Variants in PTPRR observed in about 807,000 individuals in gnomAD.
PTPRR encodes protein tyrosine phosphatase receptor type R.
A neutral mutation model predicts 77.2 loss-of-function variants in PTPRR; 38 were observed. The ratio of observed to expected loss-of-function variants is 0.49; its 90% CI spans 0.38 to 0.65. The LOEUF (loss-of-function observed/expected upper bound fraction) is 0.65, where lower values mean the gene tolerates loss of function less well. PTPRR is among the 30% of genes least tolerant of loss of function. The pLI, the probability that PTPRR is intolerant of heterozygous loss-of-function variation, is 0.00. For missense variants in PTPRR, 744 were observed against 799.2 expected, an observed-to-expected ratio of 0.93 and a Z score of 0.83; for synonymous variants, 299 against 283.1, an observed-to-expected ratio of 1.06 and a Z score of -0.57.
chr12:70,710,382 T>G (rs7314332), intron 6 of PTPRR, among the ~76,000 whole-genome samples: 241 of 152,142 alleles, frequency 1.6e-3, no homozygotes, highest in Non-Finnish European at 2.8e-3. Context: ...CTTCCTTATA[T>G]CATATACAAA....
intron 2 of PTPRR, among the ~76,000 whole-genome samples, chr12:70,883,167 A>G (rs973031967): frequency 7.2e-5 from 11 of 152,174 alleles, no homozygotes; most frequent in African/African-American, 2.4e-4. Context: ...AGGCTGAGGC[A>G]GGAGAATCGC....
chr12:70,679,687 T>TTA lies in PTPRR; in HGVS notation c.1497+4439_1497+4440insTA, dbSNP rs1592665482. The stretch of plus-strand genomic sequence containing the variant: ...TTTTTGATTTGAAGTCTATTTTATC[T>TTA]GGTATAAGTGAAGCTACTCCTGGTC... On this transcript the variant is annotated intron_variant, in intron 10 of 13. Coordinates refer to ENST00000283228, the MANE Select transcript of PTPRR (RefSeq NM_002849.4). Among the ~76,000 whole-genome samples, 21 of 152,310 alleles carry TTA rather than the reference T, an allele frequency of 1.4e-4. No individual in the cohort carries two copies. In the East Asian group the frequency reaches 4.0e-3, roughly 29 times the overall value.
intron 2 of PTPRR, among the ~76,000 whole-genome samples, chr12:70,776,010 T>C (rs1891079869): frequency 6.6e-6 from 1 of 152,214 alleles, no homozygotes; most frequent in African/African-American, 2.4e-5. Flanking sequence ...TTTATTTCTA[T>C]ATTACACATT....
intron 6 of PTPRR, among the ~76,000 whole-genome samples, chr12:70,732,873 A>AT (rs61300921): frequency 0.15 from 22,349 of 151,996 alleles, 1,920 homozygotes; most frequent in East Asian, 0.38. Context: ...ATCTATTTTT[A>AT]TTTTTTTAAA....
At chr12:70,793,075 T>C (rs1891449696) in intron 2 of PTPRR, among the ~76,000 whole-genome samples, 1 of 152,204 alleles carries the variant, frequency 6.6e-6, no homozygotes, top group Non-Finnish European at 1.5e-5. Context: ...ATGTTGAATG[T>C]GAAGCCTGCA....
intron 1 of PTPRR, among the ~76,000 whole-genome samples, chr12:70,903,988 C>T (rs567552728): frequency 6.6e-6 from 1 of 151,882 alleles, no homozygotes; most frequent in African/African-American, 2.4e-5. Context: ...ATGTCCATTT[C>T]TATTAGCCAA....
intron 3 of PTPRR, 79 bp downstream of exon 3, chr12:70,764,586 T>C: frequency 8.3e-7 from 1 of 1,198,140 alleles, no homozygotes; most frequent in Admixed American, 1.8e-5. Context: ...GCCATACAAC[T>C]ATAGCATGAG....
intron 2 of PTPRR, among the ~76,000 whole-genome samples, chr12:70,771,330 AGT>A (rs1237710525): frequency 6.6e-6 from 1 of 152,078 alleles, no homozygotes; most frequent in Non-Finnish European, 1.5e-5. Flanking sequence ...CTCACTTATA[AGT>A]GGGAGCTGAA....
At chr12:70,842,407 G>A (rs935056407) in intron 2 of PTPRR, among the ~76,000 whole-genome samples, 1 of 152,294 alleles carries the variant, frequency 6.6e-6, no homozygotes, top group East Asian at 1.9e-4. Context: ...TGTGGCTGCT[G>A]TAAGAAGTTA....
chr12:70,866,420 T>A (rs1386078042), intron 2 of PTPRR, among the ~76,000 whole-genome samples: 4 of 151,934 alleles, frequency 2.6e-5, no homozygotes, highest in African/African-American at 9.7e-5. Context: ...GCAAATAAAC[T>A]AGAAAATCTA....
intron 1 of PTPRR, among the ~76,000 whole-genome samples, chr12:70,908,359 G>T (rs1893653056): frequency 6.6e-6 from 1 of 152,058 alleles, no homozygotes; most frequent in South Asian, 2.1e-4. Flanking sequence ...AACTTATAAA[G>T]AAAAAGAGGT....
chr12:70,749,431 T>G (rs1890317451), intron 5 of PTPRR, among the ~76,000 whole-genome samples: 1 of 152,168 alleles, frequency 6.6e-6, no homozygotes, highest in Non-Finnish European at 1.5e-5. Flanking sequence ...TTAGTACCAA[T>G]AAGTGTGCAA....
At position 70,832,899 on chromosome 12, in the gene PTPRR, G is replaced by A. The variant is rs568347258; in HGVS notation, c.357+59780C>T. On this transcript the variant is annotated intron_variant, in intron 2 of 13. Transcript: ENST00000283228. The stretch of plus-strand genomic sequence containing the variant: ...GGCATGCTACTTGGTGAGAGTGGGA[G>A]CAAGAGAGAGTGGAGGAGATGCCAG... 5.0e-4 allele frequency among the ~76,000 whole-genome samples: 76 copies of A among 152,304 alleles called. 3 individuals carry two copies. The South Asian group carries it at 0.014, about 27-fold the overall frequency.
chr12:70,882,951 A>C (rs930137014), intron 2 of PTPRR, among the ~76,000 whole-genome samples: 2 of 152,202 alleles, frequency 1.3e-5, no homozygotes, highest in African/African-American at 4.8e-5. Flanking sequence ...CACCTCTATG[A>C]AGTTGGTAAT....
intron 6 of PTPRR, among the ~76,000 whole-genome samples, chr12:70,722,510 G>A (rs1889294209): frequency 6.6e-6 from 1 of 152,148 alleles, no homozygotes; most frequent in Non-Finnish European, 1.5e-5. Context: ...TAAACCATGA[G>A]TTTGAAAGAG....
At chr12:70,902,781 C>T (rs1427179265) in intron 1 of PTPRR, among the ~76,000 whole-genome samples, 1 of 151,576 alleles carries the variant, frequency 6.6e-6, no homozygotes, top group Non-Finnish European at 1.5e-5. Flanking sequence ...AAATAGGGTG[C>T]AGTACATACT....
At chr12:70,659,676 AG>A (rs1415069266) in intron 12 of PTPRR, among the ~76,000 whole-genome samples, 3 of 152,118 alleles carry the variant, frequency 2.0e-5, no homozygotes, top group African/African-American at 7.2e-5. Context: ...CTCCAAGTTA[AG>A]TTTAGGATAA....
At chr12:70,907,587 AGAGTT>A (rs1592827917) in intron 1 of PTPRR, among the ~76,000 whole-genome samples, 1 of 152,226 alleles carries the variant, frequency 6.6e-6, no homozygotes, top group East Asian at 1.9e-4. Flanking sequence ...CAGCTTTAAT[AGAGTT>A]ATTTTTCATT....
At chr12:70,883,089 T>A (rs1258277083) in intron 2 of PTPRR, among the ~76,000 whole-genome samples, 2 of 152,068 alleles carry the variant, frequency 1.3e-5, no homozygotes, top group African/African-American at 4.8e-5. Flanking sequence ...AGTGAAACCC[T>A]GTTTCTACTA....
Sources: gnomAD v4.1 joint callset for allele counts (sites outside exome capture counted in the v4.1 genomes callset) on GRCh38, gnomAD v4.1.1 for gene constraint, MANE v1.5 for transcripts, NCBI Gene and HGNC (gene_info 2026-07-23, HGNC 2026-07-21) for gene names.